The following PDS5B variants were observed in gnomAD, a reference collection of about 807,000 sequenced individuals.
PDS5B encodes the protein PDS5 cohesin associated factor B.
A neutral mutation model predicts 184.1 loss-of-function variants in PDS5B; 51 were observed. The observed-to-expected ratio is 0.28, with a 90% CI of 0.22 to 0.35. The LOEUF (loss-of-function observed/expected upper bound fraction) is 0.35. PDS5B is among the 10% of genes least tolerant of loss of function. The pLI is 1.00. For synonymous variants in PDS5B, 566 were observed against 569.2 expected (o/e 0.99, Z 0.08); for missense variants, 1,180 against 1,723.3 (o/e 0.68, Z 5.58).
intron 21 of PDS5B, among the ~76,000 whole-genome samples, chr13:32,735,623 AT>A (rs1046077449): frequency 6.6e-6 from 1 of 152,154 alleles, no homozygotes; most frequent in African/African-American, 2.4e-5. Flanking sequence ...CAGGACATCT[AT>A]TTTTAAAAAT....
chr13:32,606,396 C>T (rs1240305806), intron 1 of PDS5B, among the ~76,000 whole-genome samples: 21 of 152,152 alleles, frequency 1.4e-4, no homozygotes, highest in Admixed American at 1.4e-3. Context: ...ATATTGGCCC[C>T]CACTCTCTTC....
intron 1 of PDS5B, among the ~76,000 whole-genome samples, chr13:32,637,639 T>C (rs2058585327): frequency 6.6e-6 from 1 of 152,144 alleles, no homozygotes; most frequent in African/African-American, 2.4e-5. Flanking sequence ...TCTGATGAGT[T>C]AACTGATATT....
intron 19 of PDS5B, among the ~76,000 whole-genome samples, chr13:32,727,674 T>C (rs1432545994): frequency 1.3e-5 from 2 of 152,164 alleles, no homozygotes; most frequent in African/African-American, 4.8e-5. Flanking sequence ...CTATCAATCC[T>C]TGTTCCTCTG....
At chr13:32,643,072 G>A (rs1004414209) in intron 1 of PDS5B, among the ~76,000 whole-genome samples, 3 of 152,054 alleles carry the variant, frequency 2.0e-5, no homozygotes, top group African/African-American at 4.8e-5. Context: ...GTATAGCTGT[G>A]GTCTGTGGCC....
chr13:32,714,929 A>T (rs1389823039), intron 19 of PDS5B, among the ~76,000 whole-genome samples: 1 of 152,226 alleles, frequency 6.6e-6, no homozygotes, highest in Admixed American at 6.5e-5. Flanking sequence ...TGATTGGGGA[A>T]GTGATAAGTG....
intron 2 of PDS5B, chr13:32,650,201 C>A (rs1223293267): frequency 6.6e-6 from 1 of 152,018 alleles, no homozygotes; most frequent in Non-Finnish European, 1.5e-5. Flanking sequence ...ATTTTCTGGA[C>A]CTTGAACAAA....
At chr13:32,693,059 G>A (rs1951599600) in intron 13 of PDS5B, among the ~76,000 whole-genome samples, 1 of 151,922 alleles carries the variant, frequency 6.6e-6, no homozygotes, top group Non-Finnish European at 1.5e-5. Flanking sequence ...AGGAAAGAGA[G>A]AATACATTGA....
intron 1 of PDS5B, among the ~76,000 whole-genome samples, chr13:32,630,745 G>A (rs1224892080): frequency 6.6e-6 from 1 of 151,338 alleles, no homozygotes; most frequent in Non-Finnish European, 1.5e-5. Context: ...CCTTGTCATA[G>A]AGTCCTTTCC....
chr13:32,630,427 G>A (rs2140569112), intron 1 of PDS5B, among the ~76,000 whole-genome samples: 1 of 152,264 alleles, frequency 6.6e-6, no homozygotes, highest in African/African-American at 2.4e-5. Flanking sequence ...AGTGAGTAGA[G>A]CCCAGGGATG....
chr13:32,750,847 CTGTGTGTGTGTGTGTGTGTGTG>C (rs71194534), intron 24 of PDS5B, among the ~76,000 whole-genome samples: 2 of 143,530 alleles, frequency 1.4e-5, no homozygotes, highest in Middle Eastern at 3.5e-3. Context: ...CGGCCTCCCT[CTGTGTGTGTGTGTGTGTGTGTG>C]TGTGTGTGTG....
chr13:32,745,212 T>C (rs1468582235), intron 23 of PDS5B, among the ~76,000 whole-genome samples: 3 of 152,244 alleles, frequency 2.0e-5, no homozygotes, highest in African/African-American at 7.2e-5. Context: ...ATTCTTCTTC[T>C]GTGCTTAGCA....
At chr13:32,588,017 T>G (rs1322754306) in intron 1 of PDS5B, among the ~76,000 whole-genome samples, 1 of 152,224 alleles carries the variant, frequency 6.6e-6, no homozygotes, top group Non-Finnish European at 1.5e-5. Context: ...TGTTCTCAGT[T>G]AACACATCCC....
intron 17 of PDS5B, among the ~76,000 whole-genome samples, chr13:32,703,604 C>T (rs892579751): frequency 7.2e-5 from 11 of 152,256 alleles, no homozygotes; most frequent in Middle Eastern, 6.8e-3. Context: ...CTTCTCACTG[C>T]TGGAGTGTGG....
At chr13:32,635,149 C>A (rs1434763650) in intron 1 of PDS5B, among the ~76,000 whole-genome samples, 8 of 142,164 alleles carry the variant, frequency 5.6e-5, no homozygotes, top group African/African-American at 2.1e-4. Context: ...CAGGCATGCA[C>A]CACCATGTCC....
At chr13:32,670,952 G>T (rs979618533) in intron 7 of PDS5B, among the ~76,000 whole-genome samples, 1 of 152,146 alleles carries the variant, frequency 6.6e-6, no homozygotes, top group African/African-American at 2.4e-5. Context: ...TCTTTCATTA[G>T]GAGACATTTG....
intron 10 of PDS5B, among the ~76,000 whole-genome samples, chr13:32,679,691 C>A (rs1277128604): frequency 6.6e-6 from 1 of 151,858 alleles, no homozygotes; most frequent in Non-Finnish European, 1.5e-5. Context: ...GATATTTTAC[C>A]AGTTTCATCC....
At chr13:32,717,720 TA>T (rs1220035606) in intron 19 of PDS5B, among the ~76,000 whole-genome samples, 12,758 of 126,616 alleles carry the variant, frequency 0.1, 986 homozygotes, top group African/African-American at 0.23. Context: ...ATCAATAAAT[TA>T]AAAAAAAAAA....
chr13:32,620,231 A>G (rs1457080266), intron 1 of PDS5B, among the ~76,000 whole-genome samples: 1 of 152,240 alleles, frequency 6.6e-6, no homozygotes, highest in Non-Finnish European at 1.5e-5. Flanking sequence ...TGTTCACAAT[A>G]CTAATGTTTT....
chr13:32,714,031 G>T (rs1043850888), intron 19 of PDS5B, among the ~76,000 whole-genome samples: 3 of 152,172 alleles, frequency 2.0e-5, no homozygotes, highest in African/African-American at 7.2e-5. Flanking sequence ...CAAATTGGTA[G>T]GATCCGTGAT....
Sources: allele counts gnomAD v4.1 joint callset (sites outside exome capture counted in the v4.1 genomes callset), GRCh38; gene constraint gnomAD v4.1.1; transcripts MANE v1.5; gene names NCBI Gene and HGNC (gene_info 2026-07-23, HGNC 2026-07-21).